The following EPC1 variants were observed in gnomAD, a reference collection of about 807,000 sequenced individuals.
EPC1 encodes the protein enhancer of polycomb 1.
EPC1 carries 12 observed loss-of-function variants against 98.4 expected under a neutral mutation model. That is an observed-to-expected ratio of 0.12 (90% confidence interval 0.08 to 0.20). The LOEUF (loss-of-function observed/expected upper bound fraction) is 0.20. Among genes scored for constraint, EPC1 ranks in the 10% least tolerant of loss-of-function variants. The pLI is 1.00. For missense variants in EPC1, 729 were observed against 990.5 expected (o/e 0.74, Z 3.54); for synonymous variants, 357 against 363.9 (o/e 0.98, Z 0.21).
intron 2 of EPC1, among the ~76,000 whole-genome samples, chr10:32,296,146 T>G (rs1245253479): frequency 6.6e-6 from 1 of 152,076 alleles, no homozygotes; most frequent in Non-Finnish European, 1.5e-5. Flanking sequence ...TTGGCCAGGC[T>G]GGCTGGTCTT....
intron 9 of EPC1, 59 bp from the exon 10 acceptor site, chr10:32,285,109 T>G: frequency 1.4e-6 from 2 of 1,380,424 alleles, no homozygotes; most frequent in Non-Finnish European, 2.0e-6. Context: ...GATTATATAT[T>G]AAAGCTTTTT....
chr10:32,296,678 G>A (rs1230836443), intron 2 of EPC1, among the ~76,000 whole-genome samples: 1 of 152,188 alleles, frequency 6.6e-6, no homozygotes, highest in East Asian at 1.9e-4. Context: ...GGAGGCCAAG[G>A]CAGGTGGATC....
Position 32,287,025 on chromosome 10 carries a change from A to G in EPC1, c.1153-10T>C. On this transcript the variant is annotated splice_polypyrimidine_tract_variant and intron_variant, in intron 7 of 13. Transcript: ENST00000319778. ...AAGAGCCAGACAAAACCTTTAAATG[A>G]AATAAAGAAAGTAGGTCAGATACGT... is the stretch of plus-strand genomic sequence containing the variant. 6.2e-7 allele frequency: 1 copy of G among 1,613,904 alleles called. No individual in the cohort carries two copies. The highest frequency in any genetic ancestry group is 8.5e-7 in the Non-Finnish European group (1 of 1,179,938).
upstream of EPC1, among the ~76,000 whole-genome samples, chr10:32,350,848 A>T (rs1026945182): frequency 2.0e-5 from 3 of 152,180 alleles, no homozygotes; most frequent in South Asian, 2.1e-4. Context: ...TATGTTCGGT[A>T]TGTATCCAAG....
chr10:32,375,821 T>C (rs1002904963), intron 1 of EPC1, among the ~76,000 whole-genome samples: 4 of 152,056 alleles, frequency 2.6e-5, no homozygotes, highest in African/African-American at 9.7e-5. Flanking sequence ...TTGTCCATGA[T>C]CTAGCAACTG....
chr10:32,296,081 G>A (rs1294670612), intron 2 of EPC1, among the ~76,000 whole-genome samples: 2 of 151,706 alleles, frequency 1.3e-5, no homozygotes, highest in African/African-American at 2.4e-5. Flanking sequence ...CTGCCACCAC[G>A]CCTGGCTAAT....
chr10:32,357,851 ATTTTTTT>A (rs58968767), intron 1 of EPC1, among the ~76,000 whole-genome samples: 7 of 124,604 alleles, frequency 5.6e-5, no homozygotes, highest in African/African-American at 1.6e-4. Flanking sequence ...TTCTCAATAA[ATTTTTTT>A]TTTTTTTTTT....
intron 2 of EPC1, among the ~76,000 whole-genome samples, chr10:32,300,292 C>T (rs535008148): frequency 0.013 from 1,954 of 152,004 alleles, 22 homozygotes; most frequent in Middle Eastern, 0.024. Context: ...ATGTGCACAA[C>T]ATGCAGGTTT....
At chr10:32,276,102 T>A (rs1455966423) in intron 10 of EPC1, among the ~76,000 whole-genome samples, 1 of 152,146 alleles carries the variant, frequency 6.6e-6, no homozygotes, top group Non-Finnish European at 1.5e-5. Context: ...GTGGTGGTAA[T>A]AATAACTATG....
chr10:32,364,794 C>A (rs1304268845), intron 1 of EPC1, among the ~76,000 whole-genome samples: 2 of 152,190 alleles, frequency 1.3e-5, no homozygotes, highest in African/African-American at 4.8e-5. Context: ...GCTCGTCCAA[C>A]CTGCAACCTT....
chr10:32,319,060 G>A (rs1441079011), intron 1 of EPC1, among the ~76,000 whole-genome samples: 4 of 152,028 alleles, frequency 2.6e-5, no homozygotes, highest in South Asian at 2.1e-4. Context: ...ACATCTATAT[G>A]TACTGTTCCC....
intron 2 of EPC1, among the ~76,000 whole-genome samples, chr10:32,304,594 AAG>A (rs1835762668): frequency 6.6e-6 from 1 of 152,194 alleles, no homozygotes; most frequent in Non-Finnish European, 1.5e-5. Context: ...CGCTGTCCTA[AAG>A]AAAAAAAATT....
chr10:32,326,252 G>C (rs1837268724), intron 1 of EPC1, among the ~76,000 whole-genome samples: 1 of 152,166 alleles, frequency 6.6e-6, no homozygotes, highest in Non-Finnish European at 1.5e-5. Flanking sequence ...TGGCTGTCGT[G>C]TGGCTGGGAG....
At chr10:32,298,779 G>A (rs1433173951) in intron 2 of EPC1, among the ~76,000 whole-genome samples, 1 of 152,130 alleles carries the variant, frequency 6.6e-6, no homozygotes, top group African/African-American at 2.4e-5. Flanking sequence ...AAGTTCTCTG[G>A]TTGCTGTTAT....
At chr10:32,330,461 C>T (rs1837575890) in intron 1 of EPC1, among the ~76,000 whole-genome samples, 1 of 152,196 alleles carries the variant, frequency 6.6e-6, no homozygotes, top group Admixed American at 6.5e-5. Flanking sequence ...GCATTTACAT[C>T]ACAAGTATGC....
At chr10:32,293,913 TAAAG>T (rs1307882019) in intron 2 of EPC1, among the ~76,000 whole-genome samples, 176 bp from the exon 3 acceptor site, 1 of 152,196 alleles carries the variant, frequency 6.6e-6, no homozygotes, top group African/African-American at 2.4e-5. Flanking sequence ...CATTTAAAGT[TAAAG>T]AAAGGAGATT....
At chr10:32,293,526 T>C (rs1592558470) in intron 3 of EPC1, 66 bp downstream of exon 3, 2 of 1,466,778 alleles carry the variant, frequency 1.4e-6, no homozygotes, top group Non-Finnish European at 1.8e-6. Context: ...TCTCACACTC[T>C]TTCCATACAA....
intron 2 of EPC1, among the ~76,000 whole-genome samples, chr10:32,303,664 A>T (rs1284836123): frequency 1.3e-5 from 2 of 152,230 alleles, no homozygotes; most frequent in East Asian, 1.9e-4. Flanking sequence ...TATGGTTATA[A>T]AGAAGTAAGA....
At chr10:32,307,972 T>A (rs1276907854) in intron 1 of EPC1, among the ~76,000 whole-genome samples, 1 of 152,228 alleles carries the variant, frequency 6.6e-6, no homozygotes, top group Non-Finnish European at 1.5e-5. Flanking sequence ...CTGTTGCAAA[T>A]CTGTCTTACT....
Sources: allele counts gnomAD v4.1 joint callset (sites outside exome capture counted in the v4.1 genomes callset), GRCh38; gene constraint gnomAD v4.1.1; transcripts MANE v1.5; gene names NCBI Gene and HGNC (gene_info 2026-07-23, HGNC 2026-07-21).